Variants in SVOPL observed in about 807,000 individuals in gnomAD.
SVOPL encodes the protein putative transporter SVOPL.
SVOPL carries 60 observed loss-of-function variants against 61.0 expected under a neutral mutation model. The ratio of observed to expected loss-of-function variants is 0.98; its 90% CI spans 0.80 to 1.22. The LOEUF is 1.22. Ranked by LOEUF, SVOPL falls within the 50% of genes most tolerant of loss-of-function variation. The pLI is 0.00. For synonymous variants in SVOPL, 279 were observed against 250.0 expected (o/e 1.12, Z -1.09); for missense variants, 662 against 643.9 (o/e 1.03, Z -0.30).
intron 4 of SVOPL, among the ~76,000 whole-genome samples, chr7:138,668,339 G>A (rs1212590961): frequency 6.6e-6 from 1 of 152,096 alleles, no homozygotes; most frequent in Non-Finnish European, 1.5e-5. Flanking sequence ...AGCTCTGTGG[G>A]AATTACTCCT....
chr7:138,607,050 A>T (rs1798791620), intron 14 of SVOPL, among the ~76,000 whole-genome samples: 1 of 151,228 alleles, frequency 6.6e-6, no homozygotes, highest in Admixed American at 6.6e-5. Flanking sequence ...CTCCTCTCTC[A>T]ATACAATAAG....
At chr7:138,607,222 T>C (rs1798798675) in intron 14 of SVOPL, among the ~76,000 whole-genome samples, 2 of 152,176 alleles carry the variant, frequency 1.3e-5, no homozygotes, top group African/African-American at 2.4e-5. Flanking sequence ...TGGATGAATC[T>C]GGAGCGAGAA....
intron 15 of SVOPL, among the ~76,000 whole-genome samples, chr7:138,595,909 C>T (rs553066254): frequency 6.6e-5 from 10 of 152,012 alleles, no homozygotes; most frequent in South Asian, 2.1e-4. Flanking sequence ...CAAACTAGGC[C>T]GGGCACGGTG....
intron 9 of SVOPL, among the ~76,000 whole-genome samples, chr7:138,631,959 A>ATC (rs1800214484): frequency 8.6e-5 from 9 of 104,054 alleles, no homozygotes; most frequent in African/African-American, 2.3e-4. Flanking sequence ...CTGCTCTGAT[A>ATC]TCACACACAC....
chr7:138,659,529 T>C, intron 6 of SVOPL, among the ~76,000 whole-genome samples: 1 of 151,824 alleles, frequency 6.6e-6, no homozygotes, highest in Non-Finnish European at 1.5e-5. Flanking sequence ...AACATCTACC[T>C]GTGGTCTGGA....
At chr7:138,650,482 G>C (rs1373062151) in intron 7 of SVOPL, among the ~76,000 whole-genome samples, 1 of 151,700 alleles carries the variant, frequency 6.6e-6, no homozygotes, top group Non-Finnish European at 1.5e-5. Context: ...TGGCTACCTA[G>C]GTCTGAAGGT....
At chr7:138,623,847 G>A (rs1372641415) in intron 13 of SVOPL, among the ~76,000 whole-genome samples, 1 of 151,800 alleles carries the variant, frequency 6.6e-6, no homozygotes, top group African/African-American at 2.4e-5. Flanking sequence ...TTTTGAGACG[G>A]AGTCTCTCTG....
At chr7:138,629,854 CTCTG>C (rs1216675177) in intron 10 of SVOPL, among the ~76,000 whole-genome samples, 191 bp downstream of exon 10, 12 of 152,268 alleles carry the variant, frequency 7.9e-5, no homozygotes, top group Admixed American at 2.6e-4. Context: ...GGGAATTTTC[CTCTG>C]TCTATGTATC....
At chr7:138,610,736 A>C (rs28733294) in intron 14 of SVOPL, among the ~76,000 whole-genome samples, 2,729 of 152,288 alleles carry the variant, frequency 0.018, 72 homozygotes, top group African/African-American at 0.062. Flanking sequence ...GCTCAAGGAC[A>C]CACCCTTATG....
chr7:138,695,324 C>A (rs1243900307), intron 1 of SVOPL, among the ~76,000 whole-genome samples: 1 of 152,084 alleles, frequency 6.6e-6, no homozygotes, highest in Non-Finnish European at 1.5e-5. Flanking sequence ...CTAGCCTGGG[C>A]AACATGGCAA....
intron 1 of SVOPL, among the ~76,000 whole-genome samples, chr7:138,685,189 C>G (rs1424687987): frequency 6.6e-6 from 1 of 151,900 alleles, no homozygotes; most frequent in East Asian, 1.9e-4. Flanking sequence ...GCCTCAGCCT[C>G]CCAAAGTGCT....
At chr7:138,619,878 G>A (rs377326308) in intron 14 of SVOPL, among the ~76,000 whole-genome samples, 2 of 152,054 alleles carry the variant, frequency 1.3e-5, no homozygotes, top group Non-Finnish European at 2.9e-5. Context: ...GTTTGTGTTC[G>A]GGATTTGTGG....
chr7:138,638,978 C>T (rs1184716085), intron 9 of SVOPL, among the ~76,000 whole-genome samples: 1 of 152,188 alleles, frequency 6.6e-6, no homozygotes, highest in African/African-American at 2.4e-5. Context: ...ACAGGCCAGG[C>T]ACAGTGGCTC....
intron 1 of SVOPL, among the ~76,000 whole-genome samples, chr7:138,686,335 G>A (rs140225107): frequency 3.3e-5 from 5 of 151,418 alleles, no homozygotes; most frequent in Non-Finnish European, 5.9e-5. Context: ...CCCCGGGGGG[G>A]GCGGAGGTTG....
chr7:138,620,505 G>A (rs926924336), intron 14 of SVOPL, among the ~76,000 whole-genome samples: 2 of 149,614 alleles, frequency 1.3e-5, no homozygotes, highest in Non-Finnish European at 3.0e-5. Flanking sequence ...GCCCTCTGAG[G>A]AACCACGACC....
intron 9 of SVOPL, among the ~76,000 whole-genome samples, chr7:138,642,848 A>AAAGAAG (rs1244456903): frequency 0.014 from 491 of 35,308 alleles, 3 homozygotes; most frequent in African/African-American, 0.021. Flanking sequence ...AAAAAAAAAA[A>AAAGAAG]AAGAAGAAAC....
chr7:138,661,636 G>A, intron 5 of SVOPL: 2 of 979,502 alleles, frequency 2.0e-6, no homozygotes, highest in East Asian at 1.1e-4. Context: ...TAGATTTTGT[G>A]ACACCAAGAA....
chr7:138,619,803 A>G (rs546266076), intron 14 of SVOPL, among the ~76,000 whole-genome samples: 2 of 152,256 alleles, frequency 1.3e-5, no homozygotes, highest in African/African-American at 2.4e-5. Flanking sequence ...AACTGGACCA[A>G]TGGGGGTCTC....
At chr7:138,622,132 A>ATCGACAGAGTCTCAC (rs1799653062) in intron 13 of SVOPL, among the ~76,000 whole-genome samples, 2 of 132,698 alleles carry the variant, frequency 1.5e-5, no homozygotes, top group Admixed American at 7.5e-5. Context: ...GTATCTATCT[A>ATCGACAGAGTCTCAC]TCTATGTATC....
Sources: gnomAD v4.1 joint callset for allele counts (sites outside exome capture counted in the v4.1 genomes callset) on GRCh38, gnomAD v4.1.1 for gene constraint, MANE v1.5 for transcripts, NCBI Gene and HGNC (gene_info 2026-07-23, HGNC 2026-07-21) for gene names.